The following PLCG2 variants were observed in gnomAD, a reference collection of about 807,000 sequenced individuals.
The protein encoded by PLCG2 is phospholipase C gamma 2, also known as 1-phosphatidylinositol 4,5-bisphosphate phosphodiesterase gamma-2.
PLCG2 carries 69 observed loss-of-function variants against 175.6 expected under a neutral mutation model. The observed-to-expected ratio is 0.39, with a 90% CI of 0.32 to 0.48. The LOEUF is 0.48. Among genes scored for constraint, PLCG2 ranks in the 20% least tolerant of loss-of-function variants. The pLI, the probability that PLCG2 is intolerant of heterozygous loss-of-function variation, is 0.91. For missense variants in PLCG2, 1,798 were observed against 1,650.9 expected (o/e 1.09, Z -1.54); for synonymous variants, 827 against 624.0 (o/e 1.33, Z -4.85).
intron 10 of PLCG2, 106 bp from the exon 11 acceptor site, chr16:81,891,366 C>G (rs897066428): frequency 8.2e-6 from 6 of 727,804 alleles, no homozygotes; most frequent in Non-Finnish European, 1.5e-5. Context: ...TGTTGATTTC[C>G]CGCATCAGAG....
rs939447532 is a variant in PLCG2, at chr16:81,836,515, T to G, written c.194-17929T>G. 3.3e-4 allele frequency among the ~76,000 whole-genome samples: 50 copies of G among 151,968 alleles called. 1 individual carries two copies. The highest frequency in any genetic ancestry group is 1.9e-4 in the Non-Finnish European group (13 of 67,970). Reference sequence around the variant, plus strand: ...CAGCACTTTGGGAGGGTGAGGTGGGTGGATCACCTGAGGTGAGGAGTTTGA... The same window carrying G: ...CAGCACTTTGGGAGGGTGAGGTGGGGGGATCACCTGAGGTGAGGAGTTTGA... On this transcript the variant is annotated intron_variant, in intron 2 of 32. Transcript: ENST00000564138.
chr16:81,908,010 C>G (rs1202548342), intron 16 of PLCG2, among the ~76,000 whole-genome samples: 3 of 152,174 alleles, frequency 2.0e-5, no homozygotes, highest in African/African-American at 7.2e-5. Context: ...TCTAAAGTGC[C>G]TGATTGGCCT....
chr16:81,869,198 TCTCC>T lies in PLCG2; in HGVS notation c.480-12_480-9del. 1 of 1,607,870 alleles carries T rather than the reference TCTCC, an allele frequency of 6.2e-7. No homozygotes were observed. The highest frequency in any genetic ancestry group is 8.5e-7 in the Non-Finnish European group (1 of 1,174,322). Reference sequence around the variant, plus strand: ...AAACCCTCAAGGTGACAGAACTGGGTCTCCCTCTTTTGCAGCATCAGTCTCCGAG... The same window carrying T: ...AAACCCTCAAGGTGACAGAACTGGGTCTCTTTTGCAGCATCAGTCTCCGAG... On this transcript the variant is annotated splice_polypyrimidine_tract_variant and intron_variant, in intron 5 of 32. Transcript: ENST00000564138.
chr16:81,843,546 T>C (rs1905946998), intron 2 of PLCG2, among the ~76,000 whole-genome samples: 1 of 152,230 alleles, frequency 6.6e-6, no homozygotes, highest in African/African-American at 2.4e-5. Flanking sequence ...AAAATCAGCC[T>C]ACCAATATTT....
chr16:81,917,056 C>T lies in PLCG2; in HGVS notation c.2055-2428C>T, dbSNP rs1909873767. Among the ~76,000 whole-genome samples, 5 of 152,250 alleles carry T rather than the reference C, an allele frequency of 3.3e-5. No homozygotes were observed. In the South Asian group the frequency reaches 1.0e-3, roughly 32 times the overall value. ...ACATATCCCCAACACTCCCTACCTC[C>T]CCCTGCCCCGGACCCTGGTAACCAC... On this transcript the variant is annotated intron_variant, in intron 19 of 32. Transcript: ENST00000564138.
chr16:81,809,399 C>T (rs1173532789), intron 2 of PLCG2, among the ~76,000 whole-genome samples: 1 of 152,142 alleles, frequency 6.6e-6, no homozygotes, highest in Non-Finnish European at 1.5e-5. Flanking sequence ...GCACTGACTC[C>T]CAGGCTTCCC....
In PLCG2 at chr16:81,931,522, G is replaced by A; in HGVS notation, c.2607G>A (p.Gln869=). The change falls in exon 25 of 33, where the codon CAG becomes CAA. Residue 869 remains glutamine (Q), a synonymous_variant. Transcript: ENST00000564138. ...TGAAAGCCCCTCAGGGAAAAAACCA[G>A]AAGTCCTTTGTCTTCATCCTGGAGC... is the stretch of plus-strand genomic sequence containing the variant. ...NVVKAPQGKN[Q]KSFVFILEPK... 6.2e-7 allele frequency: 1 copy of A among 1,614,062 alleles called. No individual in the cohort carries two copies. The highest frequency in any genetic ancestry group is 1.3e-5 in the African/African-American group (1 of 75,006).
intron 13 of PLCG2, among the ~76,000 whole-genome samples, chr16:81,899,145 C>G (rs955867471): frequency 2.0e-5 from 3 of 152,024 alleles, no homozygotes; most frequent in South Asian, 2.1e-4. Context: ...GCTGAGGTCA[C>G]GCCATTGCAC....
At chr16:81,934,303 T>C in intron 25 of PLCG2, 126 bp from the exon 26 acceptor site, 1 of 641,342 alleles carries the variant, frequency 1.6e-6, no homozygotes, top group South Asian at 1.8e-5. Context: ...AAGGAAAACA[T>C]TCAACCATAT....
intron 2 of PLCG2, among the ~76,000 whole-genome samples, chr16:81,801,400 G>C (rs1422536365): frequency 6.6e-6 from 1 of 152,140 alleles, no homozygotes; most frequent in Non-Finnish European, 1.5e-5. Flanking sequence ...TGCGTGGTGT[G>C]TATCCCTCAA....
intron 2 of PLCG2, among the ~76,000 whole-genome samples, chr16:81,839,437 C>A (rs1905703273): frequency 6.6e-6 from 1 of 151,958 alleles, no homozygotes; most frequent in African/African-American, 2.4e-5. Context: ...TAAAGAAAAG[C>A]AGAATTAGCC....
intron 2 of PLCG2, among the ~76,000 whole-genome samples, chr16:81,761,333 C>G (rs1337955108): frequency 1.3e-5 from 2 of 152,116 alleles, no homozygotes; most frequent in African/African-American, 2.4e-5. Flanking sequence ...CCGCTACACT[C>G]CAGCCTGGGC....
intron 2 of PLCG2, among the ~76,000 whole-genome samples, chr16:81,853,655 AC>A (rs1906535790): frequency 6.6e-6 from 1 of 152,150 alleles, no homozygotes; most frequent in Non-Finnish European, 1.5e-5. Flanking sequence ...AATAGTGCTT[AC>A]TTGCCGGTAC....
chr16:81,807,611 C>T (rs140190236), intron 2 of PLCG2, among the ~76,000 whole-genome samples: 169 of 152,282 alleles, frequency 1.1e-3, no homozygotes, highest in African/African-American at 4.0e-3. Flanking sequence ...TGTATGTGTT[C>T]AATACGCATT....
chr16:81,891,523 G>T lies in PLCG2; in HGVS notation c.919G>T (p.Asp307Tyr). Residue 307 changes from aspartate to tyrosine, a missense_variant, in exon 11 of 33, where the codon GAC becomes TAC. Transcript: ENST00000564138. ...AAACAGCATCTGGGATGAGAAGTAT[G>T]ACGCGGTGGACATGCAGGACATGAA... ...RENSIWDEKY[D>Y]AVDMQDMNNP... The T allele has an allele frequency of 6.2e-7, 1 of 1,612,714 alleles. No individual in the cohort carries two copies. Among genetic ancestry groups the T allele is most frequent in the Non-Finnish European group, 8.5e-7 (1 of 1,178,686 alleles).
chr16:81,899,146 G>T lies in PLCG2; in HGVS notation c.1194-1466G>T, dbSNP rs989952150. Among the ~76,000 whole-genome samples, 20 of 152,020 alleles carry T rather than the reference G, an allele frequency of 1.3e-4. No homozygotes were observed. In the East Asian group the frequency reaches 1.4e-3, roughly 10 times the overall value. On this transcript the variant is annotated intron_variant, in intron 13 of 32. Transcript: ENST00000564138. The stretch of plus-strand genomic sequence containing the variant: ...GGAGGTTGCAATGAGCTGAGGTCAC[G>T]CCATTGCACTCCATCCCGGGCAATG...
At chr16:81,801,861 A>G (rs147941308) in intron 2 of PLCG2, among the ~76,000 whole-genome samples, 2,165 of 151,910 alleles carry the variant, frequency 0.014, 46 homozygotes, top group African/African-American at 0.05. Context: ...TTGTACTTTT[A>G]GTAGAGACGG....
intron 2 of PLCG2, among the ~76,000 whole-genome samples, chr16:81,835,597 A>C (rs76863303): frequency 1.4e-5 from 2 of 139,790 alleles, no homozygotes; most frequent in African/African-American, 5.1e-5. Context: ...TAATAATAAT[A>C]ATCATAATAA....
At chr16:81,830,192 C>T (rs7205202) in intron 2 of PLCG2, among the ~76,000 whole-genome samples, 64,554 of 151,450 alleles carry the variant, frequency 0.43, 15,626 homozygotes, top group African/African-American at 0.68. Context: ...TGTTGGCACG[C>T]ATCTGTGGTC....
Sources: gnomAD v4.1 joint callset for allele counts (sites outside exome capture counted in the v4.1 genomes callset) on GRCh38, gnomAD v4.1.1 for gene constraint, MANE v1.5 for transcripts, NCBI Gene and HGNC (gene_info 2026-07-23, HGNC 2026-07-21) for gene names.